Variants in MBD5 observed in about 807,000 individuals in gnomAD.
MBD5 encodes the protein methyl-CpG-binding domain protein 5.
MBD5 carries 13 observed loss-of-function variants against 117.3 expected under a neutral mutation model. That is an observed-to-expected ratio of 0.11 (90% CI 0.07 to 0.18). MBD5 has a LOEUF of 0.18. MBD5 is among the 10% of genes least tolerant of loss of function. The pLI, the probability that MBD5 is intolerant of heterozygous loss-of-function variation, is 1.00. For synonymous variants in MBD5, 727 were observed against 766.4 expected (o/e 0.95, Z 0.85); for missense variants, 1,879 against 2,093.8 (o/e 0.90, Z 2.00).
At chr2:148,069,237 A>T (rs1695289892) in intron 1 of MBD5, among the ~76,000 whole-genome samples, 1 of 152,130 alleles carries the variant, frequency 6.6e-6, no homozygotes, top group Admixed American at 6.5e-5. Flanking sequence ...CAGAGGAGGG[A>T]TGTGTTTATT....
chr2:148,206,392 A>T (rs944192279), intron 2 of MBD5, among the ~76,000 whole-genome samples: 1 of 152,200 alleles, frequency 6.6e-6, no homozygotes, highest in Admixed American at 6.5e-5. Flanking sequence ...GTTTTGATAC[A>T]TGTATACAGT....
At chr2:148,470,509 CT>C (rs869310271) in intron 8 of MBD5, 48 bp downstream of exon 8, 3 of 1,454,212 alleles carry the variant, frequency 2.1e-6, no homozygotes, top group African/African-American at 1.4e-5. Flanking sequence ...AACTTTTCTA[CT>C]TTTTTAAAAA....
intron 1 of MBD5, among the ~76,000 whole-genome samples, chr2:148,107,890 A>G (rs1185915399): frequency 6.6e-6 from 1 of 152,100 alleles, no homozygotes; most frequent in East Asian, 1.9e-4. Context: ...TTACATGTGA[A>G]GAGAATGTTT....
At chr2:148,219,169 G>T (rs930306439) in intron 2 of MBD5, among the ~76,000 whole-genome samples, 1 of 151,764 alleles carries the variant, frequency 6.6e-6, no homozygotes, top group African/African-American at 2.4e-5. Context: ...TTTAAACTTT[G>T]TTGTTAAAAA....
intron 4 of MBD5, among the ~76,000 whole-genome samples, chr2:148,405,125 T>G (rs954505500): frequency 6.6e-6 from 1 of 152,182 alleles, no homozygotes; most frequent in African/African-American, 2.4e-5. Context: ...ATAAATATGT[T>G]TTTGAGTGTG....
chr2:148,446,229 T>A (rs536912650), intron 4 of MBD5, among the ~76,000 whole-genome samples: 5 of 152,208 alleles, frequency 3.3e-5, no homozygotes, highest in African/African-American at 4.8e-5. Context: ...CTGAATGGTA[T>A]TGCCTAGGTT....
intron 3 of MBD5, among the ~76,000 whole-genome samples, chr2:148,274,529 G>A (rs938812166): frequency 6.6e-6 from 1 of 151,950 alleles, no homozygotes; most frequent in South Asian, 2.1e-4. Flanking sequence ...TACTGATTTT[G>A]TTGCTAATAC....
At chr2:148,377,285 A>G (rs1403960967) in intron 4 of MBD5, among the ~76,000 whole-genome samples, 1 of 152,106 alleles carries the variant, frequency 6.6e-6, no homozygotes, top group East Asian at 1.9e-4. Flanking sequence ...CCTGCTTTAT[A>G]TCCTGGCCAT....
intron 1 of MBD5, among the ~76,000 whole-genome samples, chr2:148,154,608 A>C (rs76775792): frequency 6.6e-6 from 1 of 152,170 alleles, no homozygotes; most frequent in Non-Finnish European, 1.5e-5. Context: ...GGACCCTCTG[A>C]GCCAGGTGCG....
intron 1 of MBD5, among the ~76,000 whole-genome samples, chr2:148,139,630 T>TA (rs751245849): frequency 3.9e-5 from 6 of 152,228 alleles, no homozygotes; most frequent in South Asian, 2.1e-4. Context: ...AGTCCATAGA[T>TA]ACGATTTTTT....
intron 1 of MBD5, among the ~76,000 whole-genome samples, chr2:148,129,104 C>T (rs887960205): frequency 6.6e-6 from 1 of 152,050 alleles, no homozygotes; most frequent in Non-Finnish European, 1.5e-5. Flanking sequence ...TTTCACACTC[C>T]CAGGAAATTA....
chr2:148,306,719 T>A (rs940838920), intron 3 of MBD5, among the ~76,000 whole-genome samples: 13 of 152,166 alleles, frequency 8.5e-5, no homozygotes, highest in African/African-American at 2.2e-4. Context: ...GTAATTAATT[T>A]TTGTTCTGCT....
At chr2:148,240,278 G>T (rs191484549) in intron 3 of MBD5, among the ~76,000 whole-genome samples, 240 of 152,292 alleles carry the variant, frequency 1.6e-3, no homozygotes, top group Non-Finnish European at 2.3e-3. Flanking sequence ...GAGGCAGGGG[G>T]AGGGGGAAGG....
chr2:148,413,518 T>G (rs1055596979), intron 4 of MBD5, among the ~76,000 whole-genome samples: 7 of 150,528 alleles, frequency 4.7e-5, no homozygotes, highest in Non-Finnish European at 8.9e-5. Flanking sequence ...ACCTTTTTTT[T>G]TTTTTTGGAG....
chr2:148,333,561 G>C (rs1404085873), intron 3 of MBD5, among the ~76,000 whole-genome samples: 1 of 150,058 alleles, frequency 6.7e-6, no homozygotes, highest in African/African-American at 2.5e-5. Flanking sequence ...CCAGTTCAAG[G>C]CTGGGCACGG....
intron 4 of MBD5, among the ~76,000 whole-genome samples, chr2:148,421,149 G>C (rs1242975581): frequency 6.6e-6 from 1 of 152,152 alleles, no homozygotes; most frequent in Non-Finnish European, 1.5e-5. Context: ...GGCTGAACAG[G>C]AACAGCTCCG....
chr2:148,151,241 C>G (rs1019491842), intron 1 of MBD5, among the ~76,000 whole-genome samples: 1 of 151,982 alleles, frequency 6.6e-6, no homozygotes, highest in Non-Finnish European at 1.5e-5. Context: ...TGCTGGATTA[C>G]ATTTATTGAT....
intron 1 of MBD5, among the ~76,000 whole-genome samples, chr2:148,091,112 G>C (rs151086773): frequency 6.6e-6 from 1 of 152,216 alleles, no homozygotes; most frequent in Non-Finnish European, 1.5e-5. Flanking sequence ...CCAAGGTGGT[G>C]AAAGGCCTCT....
intron 1 of MBD5, among the ~76,000 whole-genome samples, chr2:148,162,941 T>C (rs992895945): frequency 1.3e-5 from 2 of 152,138 alleles, no homozygotes; most frequent in Admixed American, 6.5e-5. Flanking sequence ...AATAAACTAA[T>C]AAAATACTTA....
Sources: gnomAD v4.1 joint callset for allele counts (sites outside exome capture counted in the v4.1 genomes callset) on GRCh38, gnomAD v4.1.1 for gene constraint, MANE v1.5 for transcripts, NCBI Gene and HGNC (gene_info 2026-07-23, HGNC 2026-07-21) for gene names.